Variants in NOS1AP observed in about 807,000 individuals in gnomAD.
NOS1AP encodes the protein nitric oxide synthase 1 adaptor protein.
In NOS1AP, 21 loss-of-function variants were observed where a neutral mutation model predicts 56.2. That is an observed-to-expected ratio of 0.37 (90% CI 0.26 to 0.54). The LOEUF (loss-of-function observed/expected upper bound fraction) is 0.54. NOS1AP is among the 20% of genes least tolerant of loss of function. The pLI is 0.84. For synonymous variants in NOS1AP, 270 were observed against 274.6 expected, an observed-to-expected ratio of 0.98 and a Z score of 0.17; for missense variants, 522 against 657.8, an observed-to-expected ratio of 0.79 and a Z score of 2.26.
At chr1:162,293,320 A>G (rs1320235705) in intron 3 of NOS1AP, among the ~76,000 whole-genome samples, 1 of 152,184 alleles carries the variant, frequency 6.6e-6, no homozygotes, top group African/African-American at 2.4e-5. Flanking sequence ...GCCTACTGAT[A>G]ATTCTAGTAG....
At chr1:162,200,976 G>T (rs1489429283) in intron 2 of NOS1AP, among the ~76,000 whole-genome samples, 1 of 152,096 alleles carries the variant, frequency 6.6e-6, no homozygotes, top group Non-Finnish European at 1.5e-5. Flanking sequence ...GTGTCATAGG[G>T]GTTTGTTGTA....
At chr1:162,105,226 T>C (rs1334177758) in intron 1 of NOS1AP, among the ~76,000 whole-genome samples, 1 of 152,192 alleles carries the variant, frequency 6.6e-6, no homozygotes, top group Non-Finnish European at 1.5e-5. Flanking sequence ...TACCCAGAGG[T>C]ATCACCAGTG....
At position 162,300,549 on chromosome 1, in the gene NOS1AP, A is replaced by G. The variant is rs1165791709; in HGVS notation, c.271-84A>G. Reference sequence around the variant, plus strand: ...GGGAAAAAGTCAGGTCAGGAGCAAAATGCATGTGTTTGCATAAGTATGCAT... The same window carrying G: ...GGGAAAAAGTCAGGTCAGGAGCAAAGTGCATGTGTTTGCATAAGTATGCAT... On this transcript the variant is annotated intron_variant, in intron 3 of 9. Coordinates refer to ENST00000361897, the MANE Select transcript of NOS1AP (RefSeq NM_014697.3). 8.9e-6 allele frequency: 11 copies of G among 1,235,736 alleles called. No homozygotes were observed. In the Admixed American group the frequency reaches 1.9e-4, roughly 21 times the overall value. The allele number at this position is 1,235,736 out of a possible 1,614,324, so 76.5% of individuals were successfully genotyped here. A position where few individuals can be genotyped will look rare whatever the true frequency, so the allele number is the denominator to read the frequency against.
intron 2 of NOS1AP, among the ~76,000 whole-genome samples, chr1:162,237,140 A>G (rs1283808498): frequency 1.3e-5 from 2 of 152,184 alleles, no homozygotes; most frequent in African/African-American, 2.4e-5. Context: ...CTCCCAAGTT[A>G]ATCAAGTCTT....
chr1:162,085,224 C>T (rs1198461940), intron 1 of NOS1AP, among the ~76,000 whole-genome samples: 1 of 152,040 alleles, frequency 6.6e-6, no homozygotes, highest in Admixed American at 6.6e-5. Context: ...CCCAGCTTGT[C>T]TGTCTTCTCT....
chr1:162,207,356 C>G (rs1485217633), intron 2 of NOS1AP, among the ~76,000 whole-genome samples: 1 of 152,214 alleles, frequency 6.6e-6, no homozygotes, highest in African/African-American at 2.4e-5. Context: ...CTGATAGCCA[C>G]TGTGTGTGTA....
intron 1 of NOS1AP, among the ~76,000 whole-genome samples, chr1:162,072,084 A>AGATG (rs1159080313): frequency 1.3e-5 from 2 of 151,864 alleles, no homozygotes; most frequent in African/African-American, 2.4e-5. Context: ...ATAGATAGAT[A>AGATG]GATAGATAGA....
intron 1 of NOS1AP, among the ~76,000 whole-genome samples, chr1:162,141,905 G>A (rs1287830795): frequency 6.6e-6 from 1 of 152,204 alleles, no homozygotes; most frequent in East Asian, 1.9e-4. Context: ...TAGTGCAGGA[G>A]GAGTGGGACT....
At chr1:162,085,083 C>A (rs1354713014) in intron 1 of NOS1AP, among the ~76,000 whole-genome samples, 1 of 152,044 alleles carries the variant, frequency 6.6e-6, no homozygotes, top group African/African-American at 2.4e-5. Context: ...TTTCTTGGGA[C>A]CTTTTTTGTT....
intron 5 of NOS1AP, chr1:162,338,743 A>G (rs1167296616): frequency 1.3e-5 from 2 of 152,184 alleles, no homozygotes; most frequent in Non-Finnish European, 2.9e-5. Flanking sequence ...ATGATTGACT[A>G]TAATTTTTCT....
intron 1 of NOS1AP, among the ~76,000 whole-genome samples, chr1:162,100,018 A>G (rs1433447485): frequency 6.6e-6 from 1 of 151,736 alleles, no homozygotes; most frequent in African/African-American, 2.4e-5. Flanking sequence ...ACATTTTCTT[A>G]ATCCAGTCTA....
At chr1:162,134,161 C>T (rs4603104) in intron 1 of NOS1AP, among the ~76,000 whole-genome samples, 35,755 of 152,006 alleles carry the variant, frequency 0.24, 7,832 homozygotes, top group African/African-American at 0.59. Flanking sequence ...AAGGAGTGAG[C>T]TATAGTAAGC....
At chr1:162,089,538 T>G (rs929560334) in intron 1 of NOS1AP, among the ~76,000 whole-genome samples, 1 of 152,232 alleles carries the variant, frequency 6.6e-6, no homozygotes, top group Non-Finnish European at 1.5e-5. Context: ...TGTCTTAATC[T>G]CTGGAATCTG....
intron 2 of NOS1AP, among the ~76,000 whole-genome samples, chr1:162,200,529 C>T (rs1389169501): frequency 6.6e-6 from 1 of 152,116 alleles, no homozygotes; most frequent in African/African-American, 2.4e-5. Context: ...CATTAGGGAG[C>T]GGAGAGGATT....
Position 162,355,172 on chromosome 1 carries a change from CTGT to C in NOS1AP, c.596-10_596-8del. 6.2e-7 allele frequency: 1 copy of C among 1,613,996 alleles called. No individual in the cohort carries two copies. Among genetic ancestry groups the C allele is most frequent in the Non-Finnish European group, 8.5e-7 (1 of 1,180,004 alleles). Reference sequence around the variant, plus strand: ...GTTTTCATTCTCTTCCCTCCCTCCCCTGTTGTTCCTGCAGGCCGCCAGCTCACT... The same window carrying C: ...GTTTTCATTCTCTTCCCTCCCTCCCCTGTTCCTGCAGGCCGCCAGCTCACT... On this transcript the variant is annotated splice_polypyrimidine_tract_variant and intron_variant, in intron 6 of 9. Coordinates refer to ENST00000361897, the MANE Select transcript of NOS1AP (RefSeq NM_014697.3).
In NOS1AP at chr1:162,147,849, C is replaced by T. The variant is rs185024276; in HGVS notation, c.106-6556C>T. Among the ~76,000 whole-genome samples the T allele has an allele frequency of 3.3e-5, 5 of 152,232 alleles. No homozygotes were observed. In the East Asian group the frequency reaches 9.6e-4, roughly 29 times the overall value. On this transcript the variant is annotated intron_variant, in intron 1 of 9. Coordinates refer to ENST00000361897, the MANE Select transcript of NOS1AP (RefSeq NM_014697.3). ...AGTAGGCCCTGGTATTTTTAAACTC[C>T]TTTACCTTATTTCCCCTTAAGCTCA...
chr1:162,240,210 G>A (rs1021333988), intron 2 of NOS1AP, among the ~76,000 whole-genome samples: 2 of 151,404 alleles, frequency 1.3e-5, no homozygotes, highest in South Asian at 2.1e-4. Context: ...TTCCATGATT[G>A]GCTCAAGTCC....
intron 1 of NOS1AP, among the ~76,000 whole-genome samples, chr1:162,089,256 T>C (rs1446517333): frequency 6.6e-6 from 1 of 152,200 alleles, no homozygotes; most frequent in African/African-American, 2.4e-5. Context: ...CTTCTGTATT[T>C]CATCTGATCT....
intron 4 of NOS1AP, among the ~76,000 whole-genome samples, chr1:162,313,562 A>G (rs185940349): frequency 2.0e-3 from 304 of 152,268 alleles, no homozygotes; most frequent in Middle Eastern, 3.4e-3. Flanking sequence ...TTTTAGGAAA[A>G]CCAGTCTGGC....
Sources: gnomAD v4.1 joint callset for allele counts (sites outside exome capture counted in the v4.1 genomes callset) on GRCh38, gnomAD v4.1.1 for gene constraint, MANE v1.5 for transcripts, NCBI Gene and HGNC (gene_info 2026-07-23, HGNC 2026-07-21) for gene names.